MAD1L1: variants seen among roughly 807,000 people sequenced by gnomAD.
The protein encoded by MAD1L1 is mitotic arrest deficient 1 like 1.
A neutral mutation model predicts 96.9 loss-of-function variants in MAD1L1; 95 were observed. That is an observed-to-expected ratio of 0.98 (90% CI 0.83 to 1.16). MAD1L1 has a LOEUF of 1.16. MAD1L1 is among the 50% of genes most tolerant of loss of function. The pLI, the probability that MAD1L1 is intolerant of heterozygous loss-of-function variation, is 0.00. For missense variants in MAD1L1, 1,007 were observed against 954.4 expected (o/e 1.06, Z -0.73); for synonymous variants, 473 against 396.6 (o/e 1.19, Z -2.29).
intron 18 of MAD1L1, among the ~76,000 whole-genome samples, chr7:1,821,388 C>A (rs1412624877): frequency 6.6e-6 from 1 of 152,084 alleles, no homozygotes; most frequent in African/African-American, 2.4e-5. Context: ...TGAATTAATA[C>A]CAATTTTACA....
At chr7:2,047,869 GCA>G (rs561399617) in intron 12 of MAD1L1, among the ~76,000 whole-genome samples, 79 of 152,202 alleles carry the variant, frequency 5.2e-4, no homozygotes, top group South Asian at 1.0e-3. Context: ...GCACTCACGT[GCA>G]CACAGCTCAC....
intron 18 of MAD1L1, among the ~76,000 whole-genome samples, chr7:1,879,037 T>C (rs562874842): frequency 5.9e-5 from 9 of 152,250 alleles, no homozygotes; most frequent in Middle Eastern, 6.8e-3. Context: ...CATGAAAACA[T>C]GAACTAGTTA....
intron 10 of MAD1L1, among the ~76,000 whole-genome samples, chr7:2,157,209 A>G (rs1789890229): frequency 6.6e-6 from 1 of 152,216 alleles, no homozygotes; most frequent in South Asian, 2.1e-4. Flanking sequence ...CAATATTTTA[A>G]GAATAGAAAT....
chr7:1,878,020 G>A (rs921126436), intron 18 of MAD1L1, among the ~76,000 whole-genome samples: 1 of 152,120 alleles, frequency 6.6e-6, no homozygotes, highest in Middle Eastern at 3.4e-3. Flanking sequence ...GATGCTATGG[G>A]TAATACAAGG....
chr7:1,898,457 G>T, intron 17 of MAD1L1, 67 bp from the exon 18 acceptor site: 1 of 1,450,882 alleles, frequency 6.9e-7, no homozygotes, highest in Non-Finnish European at 9.5e-7. Flanking sequence ...CCCGGGAGCG[G>T]CCAGGGCAGG....
intron 16 of MAD1L1, among the ~76,000 whole-genome samples, chr7:1,944,369 T>A (rs1210918453): frequency 6.6e-6 from 1 of 152,134 alleles, no homozygotes; most frequent in African/African-American, 2.4e-5. Context: ...GGAATGTGCG[T>A]CGCATTTCAA....
chr7:2,195,087 CAA>C (rs36028754), intron 10 of MAD1L1, among the ~76,000 whole-genome samples: 34 of 128,014 alleles, frequency 2.7e-4, no homozygotes, highest in Admixed American at 2.4e-4. Flanking sequence ...GACTCTGTCT[CAA>C]AAAAAAAAAA....
intron 18 of MAD1L1, among the ~76,000 whole-genome samples, chr7:1,838,181 G>A (rs1012228712): frequency 6.6e-6 from 1 of 152,182 alleles, no homozygotes; most frequent in Admixed American, 6.5e-5. Flanking sequence ...CTAACCCAGC[G>A]GCACCCGCAG....
rs556541898 is a variant in MAD1L1 at position 1,827,601 on chromosome 7, G to A, written c.1999-11373C>T. The stretch of plus-strand genomic sequence containing the variant: ...CATCCTCCCCTCCTGAGCCCGTCCC[G>A]GGTGTGGGGTCCTCCCCTCCTGAGC... On this transcript the variant is annotated intron_variant, in intron 18 of 18. Transcript: ENST00000265854. Among the ~76,000 whole-genome samples, 7 of 114,898 alleles carry A rather than the reference G, an allele frequency of 6.1e-5. No individual in the cohort carries two copies. In the East Asian group the frequency reaches 1.9e-3, roughly 31 times the overall value. 75.4% of individuals were successfully genotyped at this position (114,898 alleles called of 152,430 possible).
At chr7:1,822,499 T>C (rs1782181361) in intron 18 of MAD1L1, among the ~76,000 whole-genome samples, 1 of 149,586 alleles carries the variant, frequency 6.7e-6, no homozygotes, top group Non-Finnish European at 1.5e-5. Context: ...TGGAGTGCAG[T>C]GGTGTGGTCT....
chr7:2,048,846 G>A (rs549261419), intron 12 of MAD1L1, among the ~76,000 whole-genome samples: 71 of 152,318 alleles, frequency 4.7e-4, no homozygotes, highest in African/African-American at 1.5e-3. Flanking sequence ...CCAAGCCAGC[G>A]CCAGGCCTTC....
intron 11 of MAD1L1, among the ~76,000 whole-genome samples, chr7:2,113,432 T>C (rs1295852742): frequency 6.6e-6 from 1 of 151,910 alleles, no homozygotes; most frequent in Non-Finnish European, 1.5e-5. Flanking sequence ...ATACAAAAAT[T>C]AGCCAGGCGT....
chr7:1,979,962 A>G (rs1780817879), intron 15 of MAD1L1, among the ~76,000 whole-genome samples: 2 of 152,202 alleles, frequency 1.3e-5, no homozygotes, highest in Admixed American at 1.3e-4. Flanking sequence ...AAAGGGCCAC[A>G]CCAGCAGAGA....
chr7:2,230,919 C>T (rs1794161115), intron 1 of MAD1L1, among the ~76,000 whole-genome samples, 192 bp from the exon 2 acceptor site: 2 of 152,216 alleles, frequency 1.3e-5, no homozygotes, highest in African/African-American at 4.8e-5. Flanking sequence ...CCTCAACAGG[C>T]ACACCCAAAA....
chr7:1,821,155 A>G (rs551269194), intron 18 of MAD1L1, among the ~76,000 whole-genome samples: 1 of 152,124 alleles, frequency 6.6e-6, no homozygotes, highest in Admixed American at 6.5e-5. Context: ...TAATAGATCC[A>G]GAAGCTATTA....
intron 10 of MAD1L1, among the ~76,000 whole-genome samples, chr7:2,197,258 G>A (rs555784212): frequency 6.6e-6 from 1 of 152,304 alleles, no homozygotes; most frequent in East Asian, 1.9e-4. Flanking sequence ...AGCCTCTCAA[G>A]TGTCATCTCT....
chr7:1,987,068 C>T (rs879444113), intron 14 of MAD1L1, among the ~76,000 whole-genome samples: 92 of 152,298 alleles, frequency 6.0e-4, no homozygotes, highest in Non-Finnish European at 1.0e-3. Context: ...CACCTACACC[C>T]CCCGCTCCCA....
intron 10 of MAD1L1, among the ~76,000 whole-genome samples, chr7:2,171,209 G>A (rs3779013): frequency 0.21 from 32,553 of 152,156 alleles, 4,252 homozygotes; most frequent in Middle Eastern, 0.3. Flanking sequence ...CCAGCAGAGC[G>A]AAGGGCACTC....
chr7:1,999,709 G>A (rs543762804), intron 14 of MAD1L1, among the ~76,000 whole-genome samples: 22 of 152,000 alleles, frequency 1.4e-4, no homozygotes, highest in Non-Finnish European at 2.9e-4. Context: ...AGCATAAACC[G>A]CTCTCCCACT....
Sources: allele counts gnomAD v4.1 joint callset (sites outside exome capture counted in the v4.1 genomes callset), GRCh38; gene constraint gnomAD v4.1.1; transcripts MANE v1.5; gene names NCBI Gene and HGNC (gene_info 2026-07-23, HGNC 2026-07-21).